Variants in HCRTR2 observed in about 807,000 individuals in gnomAD.
HCRTR2 encodes hypocretin receptor 2.
In HCRTR2, 22 loss-of-function variants were observed where a neutral mutation model predicts 49.0. That is an observed-to-expected ratio of 0.45 (90% CI 0.32 to 0.64). The LOEUF is 0.64. Among genes scored for constraint, HCRTR2 ranks in the 30% least tolerant of loss-of-function variants. HCRTR2 has a pLI of 0.04. For synonymous variants in HCRTR2, 236 were observed against 205.3 expected (o/e 1.15, Z -1.28); for missense variants, 491 against 559.4 (o/e 0.88, Z 1.23).
At position 55,277,446 on chromosome 6, in the gene HCRTR2, G is replaced by A; in HGVS notation, c.829G>A (p.Gly277Arg). The change falls in exon 5 of 7, where the codon GGG (glycine) becomes AGG (arginine). Residue 277 changes from glycine (G) to arginine (R), a missense_variant. Physicochemically the swap from Gly to Arg is moderately radical, Grantham distance 125 (BLOSUM62 -2). Coordinates refer to ENST00000370862, the MANE Select transcript of HCRTR2 (RefSeq NM_001384272.1). ...KPLQPVSQPR[G>R]PGQPTKSRMS... ...CCTGCAGCCTGTTTCACAGCCTCGA[G>A]GGCCAGGACAGCCAACGAAGTCCCG... 2 of 1,614,104 alleles carry A rather than the reference G, an allele frequency of 1.2e-6. No homozygotes were observed. The highest frequency in any genetic ancestry group is 1.7e-6 in the Non-Finnish European group (2 of 1,180,006).
chr6:55,197,933 T>C (rs1765447267), intron 1 of HCRTR2, among the ~76,000 whole-genome samples: 1 of 152,118 alleles, frequency 6.6e-6, no homozygotes, highest in Non-Finnish European at 1.5e-5. Flanking sequence ...CCCTTTCTCT[T>C]AACCTACACT....
intron 1 of HCRTR2, among the ~76,000 whole-genome samples, chr6:55,152,920 T>C (rs1764682070): frequency 6.6e-6 from 1 of 152,014 alleles, no homozygotes; most frequent in Admixed American, 6.6e-5. Context: ...TATTTTTGCT[T>C]TTGTTACTTG....
intron 4 of HCRTR2, among the ~76,000 whole-genome samples, chr6:55,268,610 A>G (rs1013379349): frequency 2.6e-5 from 4 of 152,176 alleles, no homozygotes; most frequent in Non-Finnish European, 5.9e-5. Context: ...ATATTACTAT[A>G]CATAGAGAGG....
chr6:55,161,875 T>C (rs573578247), intron 1 of HCRTR2, among the ~76,000 whole-genome samples: 9 of 152,026 alleles, frequency 5.9e-5, no homozygotes, highest in African/African-American at 2.2e-4. Context: ...CAGGACCAGA[T>C]GGATTCACAG....
At chr6:55,109,657 T>A (rs1444225064) in intron 1 of HCRTR2, among the ~76,000 whole-genome samples, 6 of 148,102 alleles carry the variant, frequency 4.1e-5, no homozygotes, top group Non-Finnish European at 8.9e-5. Context: ...ATTAACACAA[T>A]CTGATAAAGA....
chr6:55,199,050 T>C (rs1384903753), intron 1 of HCRTR2, among the ~76,000 whole-genome samples: 1 of 152,182 alleles, frequency 6.6e-6, no homozygotes, highest in East Asian at 1.9e-4. Context: ...ATGTAAGGGA[T>C]TACTGCAACT....
At chr6:55,115,936 A>G (rs562651287) in intron 1 of HCRTR2, among the ~76,000 whole-genome samples, 2 of 151,848 alleles carry the variant, frequency 1.3e-5, no homozygotes, top group East Asian at 1.9e-4. Context: ...TAAAATATCA[A>G]ATTATCTATG....
intron 1 of HCRTR2, among the ~76,000 whole-genome samples, chr6:55,168,168 T>C (rs1764903113): frequency 6.6e-6 from 1 of 152,176 alleles, no homozygotes; most frequent in Non-Finnish European, 1.5e-5. Flanking sequence ...TTTATGCCCT[T>C]AGGAGAAAAA....
chr6:55,157,633 C>A (rs986470636), intron 1 of HCRTR2, among the ~76,000 whole-genome samples: 1 of 150,752 alleles, frequency 6.6e-6, no homozygotes, highest in Non-Finnish European at 1.5e-5. Context: ...AGGGTGGTAA[C>A]CACATGGGTG....
chr6:55,136,364 A>T (rs549961326), intron 1 of HCRTR2, among the ~76,000 whole-genome samples: 13 of 152,254 alleles, frequency 8.5e-5, no homozygotes, highest in Non-Finnish European at 4.4e-5. Context: ...ACTAATGAAA[A>T]ATGGCATCCT....
At chr6:55,280,477 A>G (rs200941650) in intron 6 of HCRTR2, 33 bp downstream of exon 6, 26 of 1,609,904 alleles carry the variant, frequency 1.6e-5, no homozygotes, top group Admixed American at 5.0e-5. Context: ...ATAAGCCACA[A>G]TTGTAACCAA....
chr6:55,191,994 G>C lies in HCRTR2; in HGVS notation c.223+17184G>C, dbSNP rs186486756. 3.6e-3 allele frequency among the ~76,000 whole-genome samples: 555 copies of C among 152,248 alleles called. 6 individuals carry two copies. The highest frequency in any genetic ancestry group is 0.013 in the African/African-American group (526 of 41,548). On this transcript the variant is annotated intron_variant, in intron 1 of 6. Transcript: ENST00000370862. ...GAAATATATTTGCTATAGTAGGTTA[G>C]AGATGAGACATTTTTACTTTAAATT...
chr6:55,141,573 A>G (rs865949906), intron 1 of HCRTR2, among the ~76,000 whole-genome samples: 3 of 152,200 alleles, frequency 2.0e-5, no homozygotes, highest in Non-Finnish European at 4.4e-5. Flanking sequence ...TTACTTTTGT[A>G]AAATATTATT....
chr6:55,174,709 G>A lies in HCRTR2; in HGVS notation c.122G>A (p.Arg41Gln), dbSNP rs201306017. 306 of 1,614,056 alleles carry A rather than the reference G, an allele frequency of 1.9e-4. No homozygotes were observed. Among genetic ancestry groups the A allele is most frequent in the Non-Finnish European group, 2.4e-4 (288 of 1,180,006 alleles). The stretch of plus-strand genomic sequence containing the variant: ...GACTATGACGACGAGGAATTCCTGC[G>A]GTACCTGTGGAGGGAATACCTGCAC... Reference protein sequence around the residue: ...PTDYDDEEFLRYLWREYLHPK... With the variant: ...PTDYDDEEFLQYLWREYLHPK... Residue 41 changes from arginine (R) to glutamine (Q), a missense_variant, in exon 1 of 7, where the codon CGG becomes CAG. By Grantham distance (43) the Arg-to-Gln change is conservative (BLOSUM62 1). Transcript: ENST00000370862.
At chr6:55,193,744 TA>T (rs1343299340) in intron 1 of HCRTR2, among the ~76,000 whole-genome samples, 1 of 152,018 alleles carries the variant, frequency 6.6e-6, no homozygotes, top group Non-Finnish European at 1.5e-5. Flanking sequence ...TTAGTTGATT[TA>T]AAAAAAGGTC....
chr6:55,163,887 G>T (rs1372889396), intron 1 of HCRTR2, among the ~76,000 whole-genome samples: 1 of 152,090 alleles, frequency 6.6e-6, no homozygotes, highest in Non-Finnish European at 1.5e-5. Context: ...ATCTGATAAA[G>T]GGCTAATATC....
At chr6:55,249,353 C>T (rs1766506193) in intron 2 of HCRTR2, among the ~76,000 whole-genome samples, 1 of 152,098 alleles carries the variant, frequency 6.6e-6, no homozygotes, top group Admixed American at 6.6e-5. Context: ...GTGCCATGAA[C>T]AGGTTTTAGT....
intron 1 of HCRTR2, among the ~76,000 whole-genome samples, chr6:55,224,381 G>T (rs1765955991): frequency 6.6e-6 from 1 of 152,028 alleles, no homozygotes; most frequent in South Asian, 2.1e-4. Context: ...ACTTTGGGAG[G>T]CCGAGGCGGG....
intron 1 of HCRTR2, among the ~76,000 whole-genome samples, chr6:55,137,946 C>A (rs1477943586): frequency 1.3e-5 from 2 of 152,168 alleles, no homozygotes; most frequent in African/African-American, 4.8e-5. Flanking sequence ...GCCATAGGAA[C>A]TTTAGCCTTC....
Sources: gnomAD v4.1 joint callset for allele counts (sites outside exome capture counted in the v4.1 genomes callset) on GRCh38, gnomAD v4.1.1 for gene constraint, MANE v1.5 for transcripts, NCBI Gene and HGNC (gene_info 2026-07-23, HGNC 2026-07-21) for gene names.